Variants in P3H2 observed in about 807,000 individuals in gnomAD.
P3H2 encodes prolyl 3-hydroxylase 2.
P3H2 carries 80 observed loss-of-function variants against 87.0 expected under a neutral mutation model. That is an observed-to-expected ratio of 0.92 (90% CI 0.77 to 1.11). The LOEUF is 1.11. Ranked by LOEUF, P3H2 falls within the 50% of genes least tolerant of loss-of-function variation. P3H2 has a pLI of 0.00. For missense variants in P3H2, 1,001 were observed against 923.9 expected (o/e 1.08, Z -1.08); for synonymous variants, 367 against 359.3 (o/e 1.02, Z -0.24).
At chr3:189,959,181 T>C (rs1722730105) in intron 14 of P3H2, among the ~76,000 whole-genome samples, 1 of 151,928 alleles carries the variant, frequency 6.6e-6, no homozygotes, top group Non-Finnish European at 1.5e-5. Flanking sequence ...AAGTTTCAGG[T>C]CTACTTTTCT....
chr3:190,118,734 A>G (rs1285787802), intron 1 of P3H2, among the ~76,000 whole-genome samples: 1 of 152,086 alleles, frequency 6.6e-6, no homozygotes, highest in Admixed American at 6.5e-5. Context: ...ATGAGGGCAG[A>G]GATCTTGTGG....
chr3:190,064,179 T>C (rs1183464614), intron 1 of P3H2, among the ~76,000 whole-genome samples: 2 of 150,522 alleles, frequency 1.3e-5, no homozygotes, highest in Non-Finnish European at 1.5e-5. Context: ...TAATTTTTAG[T>C]GGAGAACAGG....
chr3:190,079,358 A>C (rs987450521), intron 1 of P3H2, among the ~76,000 whole-genome samples: 8 of 149,900 alleles, frequency 5.3e-5, no homozygotes, highest in Admixed American at 2.0e-4. Flanking sequence ...ATAAATAAAT[A>C]AATAAATAAA....
intron 14 of P3H2, among the ~76,000 whole-genome samples, chr3:189,962,793 G>A (rs1477623775): frequency 6.6e-6 from 1 of 152,216 alleles, no homozygotes; most frequent in Non-Finnish European, 1.5e-5. Context: ...ATTTGATGGT[G>A]AAAAGTATAT....
At chr3:189,989,584 A>G (rs1359744816) in intron 3 of P3H2, among the ~76,000 whole-genome samples, 1 of 152,170 alleles carries the variant, frequency 6.6e-6, no homozygotes, top group African/African-American at 2.4e-5. Flanking sequence ...AGAGAAATAA[A>G]AACTCTTTTT....
intron 1 of P3H2, among the ~76,000 whole-genome samples, chr3:190,055,829 A>C (rs1336958963): frequency 1.3e-5 from 2 of 152,224 alleles, no homozygotes; most frequent in Non-Finnish European, 2.9e-5. Context: ...CATGGAATGT[A>C]GCTCTAAAAA....
chr3:190,037,918 T>TA (rs11437001), intron 1 of P3H2, among the ~76,000 whole-genome samples: 122,370 of 152,018 alleles, frequency 0.8, 49,306 homozygotes, highest in East Asian at 0.86. Flanking sequence ...TTTATTTTTG[T>TA]ACAAAGCCAC....
intron 14 of P3H2, chr3:189,963,522 GCA>G: frequency 5.0e-6 from 1 of 200,398 alleles, no homozygotes; most frequent in Non-Finnish European, 1.0e-5. Context: ...TCGGCTTACT[GCA>G]ATTTACGCCT....
At chr3:189,996,467 G>T (rs566105300) in intron 1 of P3H2, among the ~76,000 whole-genome samples, 4 of 152,260 alleles carry the variant, frequency 2.6e-5, no homozygotes, top group South Asian at 4.2e-4. Flanking sequence ...ATGTAGGAAA[G>T]GGAGAGACAG....
intron 3 of P3H2, 41 bp from the exon 4 acceptor site, chr3:189,989,079 T>C (rs771642767): frequency 4.3e-6 from 7 of 1,613,218 alleles, no homozygotes; most frequent in Non-Finnish European, 5.9e-6. Context: ...TCCAGGTTGC[T>C]GAGTGCCCAA....
At chr3:190,049,669 T>G (rs890939038) in intron 1 of P3H2, among the ~76,000 whole-genome samples, 4 of 152,174 alleles carry the variant, frequency 2.6e-5, no homozygotes, top group African/African-American at 9.6e-5. Context: ...AAATAAGACT[T>G]AAAACCCACC....
At chr3:190,044,932 C>A (rs1379965307) in intron 1 of P3H2, among the ~76,000 whole-genome samples, 1 of 152,146 alleles carries the variant, frequency 6.6e-6, no homozygotes, top group Non-Finnish European at 1.5e-5. Flanking sequence ...CAACTTCTCA[C>A]TAAAAATTGA....
intron 1 of P3H2, among the ~76,000 whole-genome samples, chr3:190,068,058 A>G (rs1438052068): frequency 6.6e-6 from 1 of 152,108 alleles, no homozygotes; most frequent in Non-Finnish European, 1.5e-5. Context: ...TTTATGCTTA[A>G]AATGTTTATA....
At chr3:190,054,739 C>T (rs1726095377) in intron 1 of P3H2, among the ~76,000 whole-genome samples, 1 of 152,182 alleles carries the variant, frequency 6.6e-6, no homozygotes, top group Non-Finnish European at 1.5e-5. Context: ...ACCTGGGCAT[C>T]AGGCATATGA....
intron 1 of P3H2, among the ~76,000 whole-genome samples, 179 bp from the exon 2 acceptor site, chr3:189,995,621 ACTT>A (rs1009859786): frequency 3.9e-5 from 6 of 152,028 alleles, no homozygotes; most frequent in Non-Finnish European, 8.8e-5. Context: ...AAAGTAAAAA[ACTT>A]CTGCACAGCA....
chr3:189,969,265 T>G (rs567888214), intron 13 of P3H2: 137 of 853,374 alleles, frequency 1.6e-4, no homozygotes, highest in Non-Finnish European at 2.6e-4. Context: ...GAGAACCACC[T>G]CTGGAACTGT....
intron 1 of P3H2, among the ~76,000 whole-genome samples, chr3:190,071,993 T>G (rs1046548922): frequency 6.6e-6 from 1 of 150,654 alleles, no homozygotes; most frequent in Non-Finnish European, 1.5e-5. Flanking sequence ...TTTTTTTTTT[T>G]TTTTTGAGGC....
intron 1 of P3H2, among the ~76,000 whole-genome samples, chr3:190,093,134 A>C (rs1244475750): frequency 3.3e-5 from 5 of 152,240 alleles, no homozygotes; most frequent in Admixed American, 6.5e-5. Context: ...ATTCTAAGAA[A>C]TAATACTAAG....
At chr3:189,983,017 T>TTATA (rs1723584148) in intron 8 of P3H2, 29 bp downstream of exon 8, 1 of 1,547,062 alleles carries the variant, frequency 6.5e-7, no homozygotes, top group East Asian at 2.2e-5. Flanking sequence ...TTCCCCTCCT[T>TTATA]TATAGGGTAA....
Sources: gnomAD v4.1 joint callset for allele counts (sites outside exome capture counted in the v4.1 genomes callset) on GRCh38, gnomAD v4.1.1 for gene constraint, MANE v1.5 for transcripts, NCBI Gene and HGNC (gene_info 2026-07-23, HGNC 2026-07-21) for gene names.